LEMD2: variants seen among roughly 807,000 people sequenced by gnomAD.
LEMD2 encodes LEM domain-containing protein 2.
Under a neutral mutation model 58.8 loss-of-function variants are expected in LEMD2, and 34 were observed. The ratio of observed to expected loss-of-function variants is 0.58; its 90% confidence interval spans 0.44 to 0.77. The LOEUF (loss-of-function observed/expected upper bound fraction) is 0.77, where lower values mean the gene tolerates loss of function less well. LEMD2 is among the 30% of genes least tolerant of loss of function. The pLI, the probability that LEMD2 is intolerant of heterozygous loss-of-function variation, is 0.00. For missense variants in LEMD2, 629 were observed against 717.9 expected (o/e 0.88, Z 1.42); for synonymous variants, 298 against 308.9 (o/e 0.96, Z 0.37).
At chr6:33,784,534 A>G in intron 2 of LEMD2, 107 bp from the exon 3 acceptor site, 1 of 718,224 alleles carries the variant, frequency 1.4e-6, no homozygotes, top group Non-Finnish European at 2.4e-6. Flanking sequence ...ACAGCAAGGA[A>G]TATCTCATAC....
chr6:33,787,068 G>A (rs193274394), intron 1 of LEMD2: 4 of 409,188 alleles, frequency 9.8e-6, no homozygotes, highest in African/African-American at 2.1e-5. Flanking sequence ...TCTGTAAAAC[G>A]GGATCAAATG....
At chr6:33,781,274 C>G (rs1018973787) in intron 3 of LEMD2, 121 bp from the exon 4 acceptor site, 6 of 662,714 alleles carry the variant, frequency 9.1e-6, no homozygotes, top group Non-Finnish European at 1.3e-5. Flanking sequence ...CCAGCGGCTC[C>G]TGGCTTCTGT....
chr6:33,784,244 C>A, intron 3 of LEMD2, 108 bp downstream of exon 3: 1 of 880,878 alleles, frequency 1.1e-6, no homozygotes, highest in Admixed American at 1.7e-5. Context: ...TGAGAGACAA[C>A]CAGGGAGTGT....
chr6:33,778,122 G>C lies in LEMD2; in HGVS notation c.1156+120C>G. 2 of 952,446 alleles carry C rather than the reference G, an allele frequency of 2.1e-6. No homozygotes were observed. Among genetic ancestry groups the C allele is most frequent in the South Asian group, 2.5e-5 (1 of 39,224 alleles). The allele number at this position is 952,446 out of a possible 1,614,324, so 59.0% of individuals were successfully genotyped here. A position where few individuals can be genotyped will look rare whatever the true frequency, so the allele number is the denominator to read the frequency against. Reference sequence around the variant, plus strand: ...TTCATCTCCTCTGTTTTATGAGACAGACCTCAGGTTCACTAGACAGAAATG... The same window carrying C: ...TTCATCTCCTCTGTTTTATGAGACACACCTCAGGTTCACTAGACAGAAATG... On this transcript the variant is annotated intron_variant, in intron 6 of 8. Transcript: ENST00000293760. This position sits in a 1 kb window ranked among gnomAD's most constrained non-coding sequence, Gnocchi z 4.7.
At chr6:33,788,250 T>C (rs926237506) in intron 1 of LEMD2, 131 bp downstream of exon 1, 24 of 967,438 alleles carry the variant, frequency 2.5e-5, no homozygotes, top group Non-Finnish European at 3.5e-5. Context: ...AAGGCAGGCC[T>C]GGAAATGAGA....
chr6:33,775,037 A>C (rs1477697821), intron 8 of LEMD2, among the ~76,000 whole-genome samples: 1 of 152,222 alleles, frequency 6.6e-6, no homozygotes, highest in Non-Finnish European at 1.5e-5. Context: ...CAGCGGGATC[A>C]CCTGCATTTT....
At chr6:33,774,461 G>A (rs1368493051) in intron 8 of LEMD2, among the ~76,000 whole-genome samples, 3 of 134,030 alleles carry the variant, frequency 2.2e-5, no homozygotes, top group African/African-American at 2.9e-5. Context: ...ACAGGGTCTC[G>A]CTCTGTCACC....
chr6:33,773,261 C>A (rs993424527), intron 8 of LEMD2, among the ~76,000 whole-genome samples: 1 of 152,190 alleles, frequency 6.6e-6, no homozygotes, highest in South Asian at 2.1e-4. Flanking sequence ...GAAGCTGGAG[C>A]TGCTCTAGGG....
rs376780311 is a variant in LEMD2 at position 33,788,374 on chromosome 6, G to A, written c.736+7C>T. 152 of 1,565,316 alleles carry A rather than the reference G, an allele frequency of 9.7e-5. No individual in the cohort carries two copies. The highest frequency in any genetic ancestry group is 1.2e-4 in the Non-Finnish European group (143 of 1,157,742). On this transcript the variant is annotated splice_region_variant and intron_variant, in intron 1 of 8. Transcript: ENST00000293760. ...AGGGCCCTCCCCTGCGCCGGCCCAG[G>A]ACGTACTGTTGTCCTCCGCCTCCTG...
At chr6:33,781,048 G>A (rs780752811) in intron 4 of LEMD2, 29 bp downstream of exon 4, 28 of 1,506,908 alleles carry the variant, frequency 1.9e-5, no homozygotes, top group Non-Finnish European at 2.1e-5. Flanking sequence ...GGCCCTCCCA[G>A]GAATGTATAA....
At chr6:33,782,326 C>G (rs1327087472) in intron 3 of LEMD2, 2 of 152,366 alleles carry the variant, frequency 1.3e-5, no homozygotes, top group Admixed American at 6.5e-5. Context: ...TGGCACCTGG[C>G]TCTCAGCATG....
At chr6:33,786,219 G>C (rs976092114) in intron 2 of LEMD2, among the ~76,000 whole-genome samples, 3 of 52,826 alleles carry the variant, frequency 5.7e-5, no homozygotes, top group Non-Finnish European at 1.5e-4. Context: ...CCATATTAGA[G>C]CTTCATAAAA....
chr6:33,784,757 G>A lies in LEMD2; in HGVS notation c.778-330C>T, dbSNP rs1004582303. The A allele has an allele frequency of 1.3e-5, 3 of 225,244 alleles. No individual in the cohort carries two copies. The South Asian group carries it at 2.4e-4, about 18-fold the overall frequency. The allele number at this position is 225,244 out of a possible 1,614,324, so 14.0% of individuals were successfully genotyped here. A position where few individuals can be genotyped will look rare whatever the true frequency, so the allele number is the denominator to read the frequency against. On this transcript the variant is annotated intron_variant, in intron 2 of 8. Coordinates refer to ENST00000293760, the MANE Select transcript of LEMD2 (RefSeq NM_181336.4). ...AGGGCTGAGCAGAGGCGACGTGGTC[G>A]GGGGATGATGCAGTCGCTCAGCTTC...
At position 33,772,832 on chromosome 6, in the gene LEMD2, T is replaced by C. The variant is rs1420072144; in HGVS notation, c.1362-54A>G. 5 of 1,515,188 alleles carry C rather than the reference T, an allele frequency of 3.3e-6. No individual in the cohort carries two copies. The African/African-American group carries it at 4.1e-5, about 12-fold the overall frequency. 93.9% of individuals were successfully genotyped at this position (1,515,188 alleles called of 1,614,324 possible). A position where few individuals can be genotyped will look rare whatever the true frequency, so the allele number is the denominator to read the frequency against. On this transcript the variant is annotated intron_variant, in intron 8 of 8. Coordinates refer to ENST00000293760, the MANE Select transcript of LEMD2 (RefSeq NM_181336.4). ...GGCACTGCCGAGGTGAGCCAGCCTG[T>C]GGATGCCCCTCCTACAAAGGGCACA...
At chr6:33,780,836 C>T (rs1049283724) in intron 4 of LEMD2, among the ~76,000 whole-genome samples, 1 of 152,192 alleles carries the variant, frequency 6.6e-6, no homozygotes, top group Admixed American at 6.5e-5. Context: ...ACCTACAGTG[C>T]AGCAGTCAGG....
Position 33,777,191 on chromosome 6 carries a change from C to T in LEMD2, c.1205G>A (p.Arg402Gln), listed in dbSNP as rs1232078712. 5 of 1,614,052 alleles carry T rather than the reference C, an allele frequency of 3.1e-6. No homozygotes were observed. The highest frequency in any genetic ancestry group is 2.2e-5 in the East Asian group (1 of 44,900). The change falls in exon 7 of 9, where the codon CGA becomes CAA. Residue 402 changes from arginine to glutamine, a missense_variant. Arg to Gln is a conservative substitution (Grantham distance 43). This residue lies in a region of LEMD2 where 243 missense variants were observed against 336.8 expected (regional missense o/e 0.72). Transcript: ENST00000293760. Reference sequence around the variant, plus strand: ...GGCTTGTTCCTCCTCTTCTAACTTTCGCCACCGATATTTTAGGAGAATTAG... The same window carrying T: ...GGCTTGTTCCTCCTCTTCTAACTTTTGCCACCGATATTTTAGGAGAATTAG... Reference protein sequence around the residue: ...GLLILLKYRWRKLEEEEQAMY... With the variant: ...GLLILLKYRWQKLEEEEQAMY...
chr6:33,778,270 A>G lies in LEMD2; in HGVS notation c.1128T>C (p.Ala376=). 6.2e-7 allele frequency: 1 copy of G among 1,606,776 alleles called. No individual in the cohort carries two copies. Among genetic ancestry groups the G allele is most frequent in the Non-Finnish European group, 8.5e-7 (1 of 1,176,320 alleles). Residue 376 remains alanine (A), a synonymous_variant, in exon 6 of 9, where the codon GCT becomes GCC. Coordinates refer to ENST00000293760, the MANE Select transcript of LEMD2 (RefSeq NM_181336.4). This position sits in a 1 kb window ranked among gnomAD's most constrained non-coding sequence, Gnocchi z 4.7. ...GCRLSRALLT[A]VTNVLIFFWC... is the part of the protein sequence containing the mutation. ...AGAAGAAGATGAGCACGTTGGTGAC[A>G]GCAGTGAGCAAGGCCCGGCTCAGGC... is the stretch of plus-strand genomic sequence containing the variant.
chr6:33,784,629 CCT>C, intron 2 of LEMD2: 1 of 523,488 alleles, frequency 1.9e-6, no homozygotes, highest in Non-Finnish European at 3.5e-6. Flanking sequence ...TGAGAAAGAC[CCT>C]GGAGAAGCAG....
Position 33,788,412 on chromosome 6 carries a change from C to T in LEMD2, c.705G>A (p.Lys235=). 1 of 1,584,816 alleles carries T rather than the reference C, an allele frequency of 6.3e-7. No homozygotes were observed. The highest frequency in any genetic ancestry group is 8.6e-7 in the Non-Finnish European group (1 of 1,166,640). ...CCTCCGCCTCCTGCGGCGCTGAGGG[C>T]TTGCCCATCTTCACCCAAAGGATGC... is the stretch of plus-strand genomic sequence containing the variant. ...FLGILWVKMG[K]PSAPQEAEDN... Residue 235 remains lysine (K), a synonymous_variant, in exon 1 of 9, where the codon AAG becomes AAA. Transcript: ENST00000293760.
Sources: allele counts gnomAD v4.1 joint callset (sites outside exome capture counted in the v4.1 genomes callset), GRCh38; gene constraint gnomAD v4.1.1; regional missense constraint gnomAD v4.1.1; non-coding constraint Gnocchi (gnomAD v3.1); transcripts MANE v1.5; gene names NCBI Gene and HGNC (gene_info 2026-07-23, HGNC 2026-07-21).